Variants in TSPAN15 observed in about 807,000 individuals in gnomAD.
TSPAN15 encodes tetraspanin 15, also known as tetraspanin-15.
In TSPAN15, 20 loss-of-function variants were observed where a neutral mutation model predicts 34.5. That is an observed-to-expected ratio of 0.58 (90% CI 0.41 to 0.84). The LOEUF (loss-of-function observed/expected upper bound fraction) is 0.84, where lower values mean the gene tolerates loss of function less well. Ranked by LOEUF, TSPAN15 falls within the 40% of genes least tolerant of loss-of-function variation. The pLI is 0.00. For missense variants in TSPAN15, 313 were observed against 386.1 expected (o/e 0.81, Z 1.59); for synonymous variants, 155 against 153.9 (o/e 1.01, Z -0.05).
chr10:69,464,044 A>G (rs1298270621), intron 1 of TSPAN15, among the ~76,000 whole-genome samples: 1 of 152,184 alleles, frequency 6.6e-6, no homozygotes, highest in Non-Finnish European at 1.5e-5. Context: ...GAGGAAACTG[A>G]GTATACACGG....
chr10:69,470,184 G>A (rs1268270811), intron 1 of TSPAN15, among the ~76,000 whole-genome samples: 14 of 152,136 alleles, frequency 9.2e-5, no homozygotes, highest in Admixed American at 8.5e-4. Context: ...GCTTCCTCAT[G>A]ATTAGGTTCA....
intron 4 of TSPAN15, among the ~76,000 whole-genome samples, chr10:69,498,022 G>A (rs1187132682): frequency 6.6e-6 from 1 of 152,142 alleles, no homozygotes; most frequent in South Asian, 2.1e-4. Flanking sequence ...TCCTCCCAGT[G>A]CCTAGTCACT....
At chr10:69,453,881 C>T (rs976989360) in intron 1 of TSPAN15, among the ~76,000 whole-genome samples, 4 of 152,176 alleles carry the variant, frequency 2.6e-5, no homozygotes, top group African/African-American at 9.7e-5. Context: ...AACTCCCATC[C>T]CTGGAAGTAT....
intron 1 of TSPAN15, among the ~76,000 whole-genome samples, chr10:69,459,664 G>T (rs958752230): frequency 5.9e-5 from 9 of 152,170 alleles, no homozygotes; most frequent in African/African-American, 2.2e-4. Flanking sequence ...GCCTGGCTGT[G>T]TGAAGAGTTT....
In TSPAN15 at chr10:69,460,408, G is replaced by A. The variant is rs185764539; in HGVS notation, c.96+8718G>A. ...CTGGTGGAGGTGAGGAAGAGACACC[G>A]TAGAGACACTGTAGACTTACGATGT... On this transcript the variant is annotated intron_variant, in intron 1 of 7. Transcript: ENST00000373290. Among the ~76,000 whole-genome samples the A allele has an allele frequency of 3.9e-5, 6 of 152,322 alleles. No homozygotes were observed. In the East Asian group the frequency reaches 1.2e-3, roughly 29 times the overall value.
the TSPAN15 span, among the ~76,000 whole-genome samples, chr10:69,528,828 C>G: frequency 6.8e-6 from 1 of 148,122 alleles, no homozygotes; most frequent in Non-Finnish European, 1.5e-5. Context: ...GTCTCATGCT[C>G]AGCTCTGGCT....
chr10:69,506,271 G>T lies in TSPAN15; in HGVS notation c.735+31G>T. On this transcript the variant is annotated intron_variant, in intron 7 of 7. Coordinates refer to ENST00000373290, the MANE Select transcript of TSPAN15 (RefSeq NM_012339.5). The surrounding 1 kb of genome is among the most constrained non-coding windows in gnomAD (Gnocchi z 4.7). Reference sequence around the variant, plus strand: ...CAGGCCGTGGGTTCAGAGAAAGTGTGACTTGGTGATTGCAGAAGGGCAGAG... The same window carrying T: ...CAGGCCGTGGGTTCAGAGAAAGTGTTACTTGGTGATTGCAGAAGGGCAGAG... The T allele has an allele frequency of 6.2e-7, 1 of 1,602,370 alleles. No homozygotes were observed. Among genetic ancestry groups the T allele is most frequent in the South Asian group, 1.1e-5 (1 of 90,736 alleles).
chr10:69,454,258 T>C (rs1841035467), intron 1 of TSPAN15, among the ~76,000 whole-genome samples: 1 of 152,188 alleles, frequency 6.6e-6, no homozygotes, highest in South Asian at 2.1e-4. Context: ...TGGCTCATGC[T>C]TGTAATCCCA....
intron 3 of TSPAN15, among the ~76,000 whole-genome samples, chr10:69,489,752 G>A (rs1365785607): frequency 1.3e-5 from 2 of 152,220 alleles, no homozygotes; most frequent in African/African-American, 2.4e-5. Flanking sequence ...GACTGGTGCC[G>A]CTTCTCCACT....
chr10:69,531,090 A>T, the TSPAN15 span, among the ~76,000 whole-genome samples: 4 of 145,758 alleles, frequency 2.7e-5, 1 homozygote, highest in Admixed American at 2.2e-4. Flanking sequence ...AAAAATAAAG[A>T]TGAAGTAAAG....
At chr10:69,515,117 TCCTTGAAATG>T in the TSPAN15 span, among the ~76,000 whole-genome samples, 1 of 152,232 alleles carries the variant, frequency 6.6e-6, no homozygotes, top group Non-Finnish European at 1.5e-5. Flanking sequence ...CATTCTCTCC[TCCTTGAAATG>T]CCTTCTTGTT....
chr10:69,476,137 G>A (rs760733599), intron 1 of TSPAN15, among the ~76,000 whole-genome samples: 4 of 152,086 alleles, frequency 2.6e-5, no homozygotes, highest in Non-Finnish European at 4.4e-5. Context: ...GTGTATGGAA[G>A]ATTCGAGATC....
the TSPAN15 span, among the ~76,000 whole-genome samples, chr10:69,532,940 C>G: frequency 1.3e-5 from 2 of 152,112 alleles, no homozygotes; most frequent in African/African-American, 2.4e-5. Context: ...TCAGCATCAC[C>G]AACAATCAGG....
intron 3 of TSPAN15, among the ~76,000 whole-genome samples, chr10:69,487,174 G>A (rs758963303): frequency 1.3e-5 from 2 of 152,110 alleles, no homozygotes; most frequent in Non-Finnish European, 2.9e-5. Flanking sequence ...ATCTCCACCA[G>A]CCCGTGACCC....
chr10:69,537,279 G>A, the TSPAN15 span, among the ~76,000 whole-genome samples: 1 of 152,220 alleles, frequency 6.6e-6, no homozygotes, highest in Non-Finnish European at 1.5e-5. Context: ...GTATGGCACT[G>A]CATATGGCTG....
At position 69,498,199 on chromosome 10, in the gene TSPAN15, C is replaced by G. The variant is rs1417059940; in HGVS notation, c.454-81C>G. 5 of 1,291,334 alleles carry G rather than the reference C, an allele frequency of 3.9e-6. No homozygotes were observed. The East Asian group carries it at 1.2e-4, about 30-fold the overall frequency. The allele number at this position is 1,291,334 out of a possible 1,614,324, so 80.0% of individuals were successfully genotyped here. ...GACCCACATAATAAACTGCCTCCGT[C>G]TCCTGACAGGGCCCCTTCCTGTCGT... On this transcript the variant is annotated intron_variant, in intron 4 of 7. Coordinates refer to ENST00000373290, the MANE Select transcript of TSPAN15 (RefSeq NM_012339.5).
downstream of TSPAN15, among the ~76,000 whole-genome samples, chr10:69,510,408 T>C (rs916811136): frequency 6.6e-6 from 1 of 152,238 alleles, no homozygotes; most frequent in African/African-American, 2.4e-5. Flanking sequence ...ATGCTTGTGA[T>C]TTTTGCACAT....
intron 1 of TSPAN15, among the ~76,000 whole-genome samples, chr10:69,465,296 G>T (rs1299734009): frequency 6.6e-6 from 1 of 152,224 alleles, no homozygotes; most frequent in African/African-American, 2.4e-5. Flanking sequence ...GACAAGATGA[G>T]GGCAGGAGTT....
the TSPAN15 span, among the ~76,000 whole-genome samples, chr10:69,534,314 C>G: frequency 6.6e-6 from 1 of 152,140 alleles, no homozygotes; most frequent in African/African-American, 2.4e-5. Flanking sequence ...GTGGAATCTA[C>G]TAGAGGAGCT....
Sources: gnomAD v4.1 joint callset for allele counts (sites outside exome capture counted in the v4.1 genomes callset) on GRCh38, gnomAD v4.1.1 for gene constraint, Gnocchi (gnomAD v3.1) non-coding constraint, MANE v1.5 for transcripts, NCBI Gene and HGNC (gene_info 2026-07-23, HGNC 2026-07-21) for gene names.